The following ZNF804A variants were observed in gnomAD, a reference collection of about 807,000 sequenced individuals.
ZNF804A encodes zinc finger protein 804A.
ZNF804A carries 2 observed loss-of-function variants against 16.5 expected under a neutral mutation model. The observed-to-expected ratio is 0.12, with a 90% CI of 0.05 to 0.38. ZNF804A has a LOEUF of 0.38. ZNF804A is among the 10% of genes least tolerant of loss of function. The pLI is 0.99. For synonymous variants in ZNF804A, 534 were observed against 489.6 expected (o/e 1.09, Z -1.20); for missense variants, 1,473 against 1,390.7 (o/e 1.06, Z -0.94).
At position 184,707,466 on chromosome 2, in the gene ZNF804A, G is replaced by T. The variant is rs144060529; in HGVS notation, c.111+108396G>T. Among the ~76,000 whole-genome samples, 522 of 152,144 alleles carry T rather than the reference G, an allele frequency of 3.4e-3. 3 individuals carry two copies. Among genetic ancestry groups the T allele is most frequent in the African/African-American group, 0.012 (492 of 41,536 alleles). ...CCCCTTCTCCCTTTAGTAATATTCA[G>T]TGTGTATTATTGCCATCTTTATGTC... On this transcript the variant is annotated intron_variant, in intron 1 of 3. Transcript: ENST00000302277.
chr2:184,688,207 A>G (rs973947658), intron 1 of ZNF804A, among the ~76,000 whole-genome samples: 5 of 152,094 alleles, frequency 3.3e-5, no homozygotes, highest in African/African-American at 1.2e-4. Flanking sequence ...TATATATTCA[A>G]TATAGTGATA....
At chr2:184,758,711 G>C (rs1168300500) in intron 1 of ZNF804A, among the ~76,000 whole-genome samples, 1 of 151,896 alleles carries the variant, frequency 6.6e-6, no homozygotes, top group South Asian at 2.1e-4. Flanking sequence ...TCTATATTAT[G>C]ACATAACTAA....
At chr2:184,916,770 C>G (rs1260635387) in intron 2 of ZNF804A, among the ~76,000 whole-genome samples, 1 of 152,056 alleles carries the variant, frequency 6.6e-6, no homozygotes, top group South Asian at 2.1e-4. Context: ...ATCGCTTGAA[C>G]CCAGGAGGCA....
chr2:184,881,901 A>T (rs1197257845), intron 2 of ZNF804A, among the ~76,000 whole-genome samples: 1 of 152,100 alleles, frequency 6.6e-6, no homozygotes, highest in Non-Finnish European at 1.5e-5. Context: ...ATATAATAAC[A>T]TCTGACAATA....
chr2:184,798,655 T>C (rs1694674561), intron 1 of ZNF804A, among the ~76,000 whole-genome samples: 1 of 152,168 alleles, frequency 6.6e-6, no homozygotes, highest in South Asian at 2.1e-4. Flanking sequence ...TATTTTGGTT[T>C]TCCTTGCATT....
chr2:184,720,553 G>T (rs1254282436), intron 1 of ZNF804A, among the ~76,000 whole-genome samples: 2 of 151,854 alleles, frequency 1.3e-5, no homozygotes, highest in Non-Finnish European at 2.9e-5. Context: ...ATTTAACCAA[G>T]GAGATAAAAG....
chr2:184,818,188 C>T (rs1695012235), intron 1 of ZNF804A, among the ~76,000 whole-genome samples: 1 of 152,016 alleles, frequency 6.6e-6, no homozygotes. Flanking sequence ...AAGGGAATCT[C>T]ATCAGACTAA....
intron 2 of ZNF804A, among the ~76,000 whole-genome samples, chr2:184,879,889 G>A (rs189362809): frequency 4.6e-5 from 7 of 152,034 alleles, no homozygotes; most frequent in Non-Finnish European, 8.8e-5. Context: ...TAACATTCTT[G>A]TGGTTCTGAG....
intron 1 of ZNF804A, among the ~76,000 whole-genome samples, chr2:184,840,362 C>T (rs966222763): frequency 6.6e-6 from 1 of 151,914 alleles, no homozygotes; most frequent in Admixed American, 6.6e-5. Flanking sequence ...CCAGCTTGGG[C>T]AACAGAGTGA....
intron 1 of ZNF804A, among the ~76,000 whole-genome samples, chr2:184,716,734 C>T (rs1484404148): frequency 6.6e-6 from 1 of 152,100 alleles, no homozygotes; most frequent in East Asian, 1.9e-4. Context: ...CTAGACAAGA[C>T]AAATTCTAGC....
At chr2:184,851,176 T>C (rs1337217755) in intron 1 of ZNF804A, among the ~76,000 whole-genome samples, 1 of 151,894 alleles carries the variant, frequency 6.6e-6, no homozygotes, top group African/African-American at 2.4e-5. Flanking sequence ...CATATACTTT[T>C]AATTTGTTTG....
chr2:184,937,855 A>T lies in ZNF804A; in HGVS notation c.2459A>T (p.His820Leu), dbSNP rs758860259. 3 of 1,614,062 alleles carry T rather than the reference A, an allele frequency of 1.9e-6. No homozygotes were observed. Among genetic ancestry groups the T allele is most frequent in the Non-Finnish European group, 2.5e-6 (3 of 1,179,994 alleles). Residue 820 changes from histidine (H) to leucine (L), a missense_variant, in exon 4 of 4, where the codon CAC becomes CTC. His to Leu is a moderately conservative substitution (Grantham distance 99). Transcript: ENST00000302277. Reference sequence around the variant, plus strand: ...CGGAGGCGAAAAAGAGGCAGATTCCACCCCGGATTTGAAACTTTAGAACTC... The same window carrying T: ...CGGAGGCGAAAAAGAGGCAGATTCCTCCCCGGATTTGAAACTTTAGAACTC... ...KKRRRKRGRF[H>L]PGFETLELKE...
At chr2:184,850,807 T>A (rs1404367066) in intron 1 of ZNF804A, among the ~76,000 whole-genome samples, 2 of 151,772 alleles carry the variant, frequency 1.3e-5, no homozygotes, top group Non-Finnish European at 2.9e-5. Flanking sequence ...CAGTTCCCAA[T>A]CTATTTATAT....
At chr2:184,762,253 A>G (rs1230758894) in intron 1 of ZNF804A, among the ~76,000 whole-genome samples, 1 of 148,312 alleles carries the variant, frequency 6.7e-6, no homozygotes, top group Non-Finnish European at 1.5e-5. Flanking sequence ...CATTCAACAA[A>G]TTTTTATCAA....
intron 1 of ZNF804A, among the ~76,000 whole-genome samples, chr2:184,690,247 G>T (rs772275415): frequency 6.6e-6 from 1 of 151,682 alleles, no homozygotes; most frequent in African/African-American, 2.4e-5. Context: ...ATATGACAGG[G>T]ATAAATGGTG....
chr2:184,723,474 A>C lies in ZNF804A; in HGVS notation c.111+124404A>C, dbSNP rs561632061. Among the ~76,000 whole-genome samples, 19 of 151,934 alleles carry C rather than the reference A, an allele frequency of 1.3e-4. 1 individual carries two copies. In the South Asian group the frequency reaches 3.7e-3, roughly 30 times the overall value. ...TAAAATGTCATTTCATTTTGCATAC[A>C]TCATAGAAGTTACTTTGGGCTGTAT... On this transcript the variant is annotated intron_variant, in intron 1 of 3. Transcript: ENST00000302277.
chr2:184,623,159 G>A (rs569612767), intron 1 of ZNF804A, among the ~76,000 whole-genome samples: 1 of 151,986 alleles, frequency 6.6e-6, no homozygotes, highest in East Asian at 1.9e-4. Flanking sequence ...TGCAATAATA[G>A]TAAGTACAAC....
At chr2:184,891,704 A>G (rs1269416892) in intron 2 of ZNF804A, among the ~76,000 whole-genome samples, 1 of 152,214 alleles carries the variant, frequency 6.6e-6, no homozygotes, top group East Asian at 1.9e-4. Flanking sequence ...AATTAATGGA[A>G]AACATATTTT....
intron 2 of ZNF804A, among the ~76,000 whole-genome samples, chr2:184,930,436 A>G (rs934468141): frequency 6.6e-6 from 1 of 152,206 alleles, no homozygotes; most frequent in Non-Finnish European, 1.5e-5. Flanking sequence ...ATCCTACACA[A>G]ATATGTCAGT....
Sources: gnomAD v4.1 joint callset for allele counts (sites outside exome capture counted in the v4.1 genomes callset) on GRCh38, gnomAD v4.1.1 for gene constraint, MANE v1.5 for transcripts, NCBI Gene and HGNC (gene_info 2026-07-23, HGNC 2026-07-21) for gene names.